SLCO2B1: variants seen among roughly 807,000 people sequenced by gnomAD.
The protein encoded by SLCO2B1 is OATP-RP2.
In SLCO2B1, 41 loss-of-function variants were observed where a neutral mutation model predicts 67.3. The observed-to-expected ratio is 0.61, with a 90% confidence interval of 0.47 to 0.79. SLCO2B1 has a LOEUF of 0.79. Among genes scored for constraint, SLCO2B1 ranks in the 30% least tolerant of loss-of-function variants. The pLI is 0.00. For missense variants in SLCO2B1, 837 were observed against 920.1 expected (o/e 0.91, Z 1.17); for synonymous variants, 379 against 381.4 (o/e 0.99, Z 0.07).
intron 10 of SLCO2B1, among the ~76,000 whole-genome samples, chr11:75,197,389 A>T (rs1945115594): frequency 6.6e-6 from 1 of 152,246 alleles, no homozygotes; most frequent in Non-Finnish European, 1.5e-5. Flanking sequence ...CTATTCATTT[A>T]CTTGGGAGGG....
At chr11:75,194,786 A>T (rs572621310) in intron 9 of SLCO2B1, among the ~76,000 whole-genome samples, 1 of 152,218 alleles carries the variant, frequency 6.6e-6, no homozygotes, top group African/African-American at 2.4e-5. Flanking sequence ...GTGCAGAAAA[A>T]GTCAGCTCAT....
At chr11:75,195,831 G>A (rs1339979505) in intron 9 of SLCO2B1, among the ~76,000 whole-genome samples, 2 of 152,162 alleles carry the variant, frequency 1.3e-5, no homozygotes, top group East Asian at 1.9e-4. Context: ...TGAGTCCCAG[G>A]GGACACCTCC....
At chr11:75,200,649 G>C (rs542649190) in intron 11 of SLCO2B1, 4 of 361,268 alleles carry the variant, frequency 1.1e-5, no homozygotes, top group South Asian at 7.8e-5. Context: ...GAATAGTACT[G>C]GTTCCCTGGC....
chr11:75,160,526 G>T (rs1949806112), intron 1 of SLCO2B1, among the ~76,000 whole-genome samples: 1 of 152,222 alleles, frequency 6.6e-6, no homozygotes, highest in Non-Finnish European at 1.5e-5. Context: ...CTGAGGCTCA[G>T]AAATGGTCCC....
intron 6 of SLCO2B1, 34 bp downstream of exon 6, chr11:75,169,798 A>G (rs1171059513): frequency 6.4e-7 from 1 of 1,569,598 alleles, no homozygotes; most frequent in Admixed American, 1.7e-5. Context: ...GCTAGACCCT[A>G]GCTAACTGAC....
intron 1 of SLCO2B1, among the ~76,000 whole-genome samples, chr11:75,154,059 G>A (rs1158722717): frequency 2.0e-5 from 3 of 151,216 alleles, no homozygotes; most frequent in Non-Finnish European, 4.4e-5. Flanking sequence ...CCGAGTAGCT[G>A]GGACTACAGG....
In SLCO2B1 at chr11:75,164,011, TC is replaced by T; in HGVS notation, c.198del (p.Gly67AlafsTer3). Reference protein sequence around the residue: ...SLLQLAQLMISGYLKSSISTV... With the variant: ...SLLQLAQLMIXGYLKSSISTV... ...GCTGCAGCTGGCGCAGCTCATGATC[TC>T]CGGCTACCTAAAGAGCTCCATCTCC... On this transcript the variant is annotated frameshift_variant, in exon 3 of 14. Transcript: ENST00000289575. LOFTEE classifies it high-confidence loss of function. 6.2e-7 allele frequency: 1 copy of T among 1,606,000 alleles called. No individual in the cohort carries two copies. The highest frequency in any genetic ancestry group is 1.1e-5 in the South Asian group (1 of 89,284).
intron 1 of SLCO2B1, among the ~76,000 whole-genome samples, chr11:75,158,359 A>T (rs951521937): frequency 6.6e-6 from 1 of 152,250 alleles, no homozygotes; most frequent in African/African-American, 2.4e-5. Flanking sequence ...AAGTTTGATG[A>T]AGAAGTATAT....
chr11:75,201,560 C>T (rs1945184084), intron 11 of SLCO2B1: 1 of 152,216 alleles, frequency 6.6e-6, no homozygotes, highest in Non-Finnish European at 1.5e-5. Flanking sequence ...CCACAAGCCT[C>T]AGGCTGTTTT....
intron 1 of SLCO2B1, 39 bp downstream of exon 1, chr11:75,151,436 A>G (rs1166507084): frequency 1.2e-6 from 2 of 1,610,960 alleles, no homozygotes; most frequent in Admixed American, 1.7e-5. Flanking sequence ...ATGGAGAGCA[A>G]GCCTGGGGGA....
intron 6 of SLCO2B1, among the ~76,000 whole-genome samples, chr11:75,171,714 A>T (rs1949962470): frequency 6.6e-6 from 1 of 152,018 alleles, no homozygotes; most frequent in Admixed American, 6.6e-5. Context: ...CTAGTGGGGG[A>T]TCAAAATCAT....
chr11:75,165,002 CA>C (rs1470142532), intron 3 of SLCO2B1, among the ~76,000 whole-genome samples: 1 of 152,162 alleles, frequency 6.6e-6, no homozygotes, highest in Non-Finnish European at 1.5e-5. Context: ...GTCTGGGACT[CA>C]CCCAAGGTCA....
chr11:75,174,336 A>G (rs1412154308), intron 7 of SLCO2B1, among the ~76,000 whole-genome samples: 2 of 127,606 alleles, frequency 1.6e-5, no homozygotes, highest in Non-Finnish European at 1.6e-5. Flanking sequence ...CTGCAAGAGC[A>G]TTTCTGTGGC....
chr11:75,176,474 G>A (rs1483132484), intron 7 of SLCO2B1, among the ~76,000 whole-genome samples: 1 of 152,132 alleles, frequency 6.6e-6, no homozygotes, highest in Non-Finnish European at 1.5e-5. Flanking sequence ...AAAATTATAT[G>A]GTTTTAAAGT....
intron 8 of SLCO2B1, among the ~76,000 whole-genome samples, chr11:75,188,568 A>C (rs915845595): frequency 6.6e-6 from 1 of 152,312 alleles, no homozygotes; most frequent in Admixed American, 6.5e-5. Flanking sequence ...TCTACTAAAA[A>C]TACAAAAATT....
At chr11:75,165,245 G>T (rs893966104) in intron 3 of SLCO2B1, among the ~76,000 whole-genome samples, 5 of 151,930 alleles carry the variant, frequency 3.3e-5, no homozygotes, top group African/African-American at 9.7e-5. Flanking sequence ...CTGCCTGGCC[G>T]ACATGGTGAA....
chr11:75,197,259 T>C (rs1945114052), intron 10 of SLCO2B1, among the ~76,000 whole-genome samples: 1 of 152,204 alleles, frequency 6.6e-6, no homozygotes, highest in African/African-American at 2.4e-5. Context: ...GTAAAACAAC[T>C]GGTCCCTACA....
intron 10 of SLCO2B1, 125 bp from the exon 11 acceptor site, chr11:75,200,099 C>T (rs532050982): frequency 3.9e-6 from 4 of 1,016,844 alleles, no homozygotes; most frequent in Non-Finnish European, 5.7e-6. Context: ...CTCGGACTCC[C>T]AGCCAGCTCT....
rs776731738 is a variant in SLCO2B1 at position 75,200,328 on chromosome 11, C to T, written c.1704C>T (p.Val568=). Residue 568 remains valine (V), a synonymous_variant, in exon 11 of 14, where the codon GTC becomes GTT. Coordinates refer to ENST00000289575, the MANE Select transcript of SLCO2B1 (RefSeq NM_007256.5). ...TGGTGGTGCCCTTCCTGCTCCTGGT[C>T]AGCCTGGGCTCGGCCCTGGCCTGTC... is the stretch of plus-strand genomic sequence containing the variant. ...SHLVVPFLLL[V]SLGSALACLT... The T allele has an allele frequency of 6.2e-7, 1 of 1,613,708 alleles. No homozygotes were observed. The highest frequency in any genetic ancestry group is 1.1e-5 in the South Asian group (1 of 91,056).
Sources: gnomAD v4.1 joint callset for allele counts (sites outside exome capture counted in the v4.1 genomes callset) on GRCh38, gnomAD v4.1.1 for gene constraint, MANE v1.5 for transcripts, NCBI Gene and HGNC (gene_info 2026-07-23, HGNC 2026-07-21) for gene names.